The following DOCK3 variants were observed in gnomAD, a reference collection of about 807,000 sequenced individuals.
The protein encoded by DOCK3 is dedicator of cytokinesis 3.
Under a neutral mutation model 265.6 loss-of-function variants are expected in DOCK3, and 60 were observed. That is an observed-to-expected ratio of 0.23 (90% CI 0.18 to 0.28). The LOEUF is 0.28. DOCK3 is among the 10% of genes least tolerant of loss of function. The pLI is 1.00. For missense variants in DOCK3, 1,981 were observed against 2,594.3 expected, an observed-to-expected ratio of 0.76 and a Z score of 5.14; for synonymous variants, 881 against 938.0, an observed-to-expected ratio of 0.94 and a Z score of 1.11.
At chr3:51,298,532 C>A (rs1325496462) in intron 27 of DOCK3, among the ~76,000 whole-genome samples, 1 of 152,174 alleles carries the variant, frequency 6.6e-6, no homozygotes, top group East Asian at 1.9e-4. Context: ...GCCCAGCACG[C>A]ATTAGCTATT....
intron 12 of DOCK3, among the ~76,000 whole-genome samples, chr3:51,204,915 A>G (rs2089078658): frequency 6.6e-6 from 1 of 152,022 alleles, no homozygotes; most frequent in East Asian, 1.9e-4. Flanking sequence ...CTATCGCAAG[A>G]ACAAAAAACC....
intron 5 of DOCK3, among the ~76,000 whole-genome samples, chr3:50,957,260 C>G (rs1340700403): frequency 2.6e-5 from 4 of 152,112 alleles, no homozygotes; most frequent in Middle Eastern, 3.2e-3. Flanking sequence ...CAATAGTTTT[C>G]TGCCAACAAA....
chr3:50,775,103 C>T (rs896238385), intron 1 of DOCK3, among the ~76,000 whole-genome samples: 3 of 151,808 alleles, frequency 2.0e-5, no homozygotes, highest in Non-Finnish European at 2.9e-5. Context: ...GAAAGATTAG[C>T]CGTAATTTTC....
intron 3 of DOCK3, among the ~76,000 whole-genome samples, chr3:50,862,448 A>G (rs1352391689): frequency 6.6e-6 from 1 of 152,140 alleles, no homozygotes; most frequent in African/African-American, 2.4e-5. Context: ...AGGTAGGCTG[A>G]TGGTAAGTGG....
chr3:51,059,100 T>G (rs2109211582), intron 5 of DOCK3, among the ~76,000 whole-genome samples: 3 of 152,172 alleles, frequency 2.0e-5, no homozygotes, highest in Middle Eastern at 6.8e-3. Flanking sequence ...CCTCTAATAG[T>G]CCCCAGTGTC....
chr3:50,893,972 G>A (rs893614776), intron 4 of DOCK3, among the ~76,000 whole-genome samples: 2 of 113,066 alleles, frequency 1.8e-5, no homozygotes, highest in Non-Finnish European at 3.4e-5. Flanking sequence ...GGGGCCTGTC[G>A]TTAGGTGAGG....
chr3:50,693,530 CTTTTTTT>C (rs35261130), intron 1 of DOCK3, among the ~76,000 whole-genome samples: 1 of 64,278 alleles, frequency 1.6e-5, no homozygotes, highest in African/African-American at 6.1e-5. Context: ...ATTTCCTTTC[CTTTTTTT>C]TTTTTTTTTT....
At chr3:50,733,128 A>G (rs1031459599) in intron 1 of DOCK3, among the ~76,000 whole-genome samples, 1 of 152,184 alleles carries the variant, frequency 6.6e-6, no homozygotes, top group African/African-American at 2.4e-5. Context: ...AAAAATGTAT[A>G]TGGGCCTAGA....
At chr3:51,030,760 C>T (rs1333760293) in intron 5 of DOCK3, among the ~76,000 whole-genome samples, 5 of 152,176 alleles carry the variant, frequency 3.3e-5, no homozygotes, top group African/African-American at 1.2e-4. Flanking sequence ...AAATCTTAGC[C>T]CCTCAAGTTT....
At chr3:51,218,018 T>C (rs907464762) in intron 14 of DOCK3, among the ~76,000 whole-genome samples, 14 of 152,028 alleles carry the variant, frequency 9.2e-5, no homozygotes, top group African/African-American at 3.4e-4. Context: ...CTCAGGAGTC[T>C]GAGGCAGGAG....
intron 21 of DOCK3, among the ~76,000 whole-genome samples, chr3:51,245,673 G>A (rs531894581): frequency 6.6e-6 from 1 of 152,002 alleles, no homozygotes; most frequent in African/African-American, 2.4e-5. Flanking sequence ...TTACAGGCGT[G>A]AGCCACCATG....
chr3:50,819,178 C>G (rs944248904), intron 2 of DOCK3, among the ~76,000 whole-genome samples: 6 of 152,114 alleles, frequency 3.9e-5, no homozygotes, highest in Admixed American at 2.0e-4. Context: ...ACTTTGGCAC[C>G]TGCATGTACT....
chr3:50,711,688 C>T (rs1559540482), intron 1 of DOCK3, among the ~76,000 whole-genome samples: 1 of 152,012 alleles, frequency 6.6e-6, no homozygotes, highest in Non-Finnish European at 1.5e-5. Flanking sequence ...AATACTGGCC[C>T]CATATAATTA....
intron 1 of DOCK3, among the ~76,000 whole-genome samples, chr3:50,766,572 G>A (rs546513691): frequency 6.6e-5 from 10 of 152,054 alleles, no homozygotes; most frequent in East Asian, 1.9e-4. Flanking sequence ...GAATAGTGCC[G>A]CAATAAACAT....
chr3:50,708,417 C>T (rs183930335), intron 1 of DOCK3, among the ~76,000 whole-genome samples: 1 of 152,272 alleles, frequency 6.6e-6, no homozygotes, highest in Admixed American at 6.5e-5. Flanking sequence ...GGTTGCACTG[C>T]TGGGTCCAGC....
chr3:51,314,722 G>A (rs758792543), intron 31 of DOCK3, among the ~76,000 whole-genome samples: 1 of 152,216 alleles, frequency 6.6e-6, no homozygotes, highest in Non-Finnish European at 1.5e-5. Context: ...AGATTTTCAG[G>A]TAGTTTGTGG....
chr3:50,719,426 T>C (rs1169260644), intron 1 of DOCK3: 4 of 621,540 alleles, frequency 6.4e-6, no homozygotes, highest in African/African-American at 3.6e-5. Flanking sequence ...AGGGGTGCTC[T>C]CCTGAGCTAC....
rs754271357 is a variant in DOCK3 at position 51,231,121 on chromosome 3, C to CTTTTTTTT, written c.1917+1530_1917+1537dup. ...TTCGCCAGCATCTGTTATTTTTTGA[C>CTTTTTTTT]TTTTTTTTTTTTTTTTTTTTTTTTT... On this transcript the variant is annotated intron_variant, in intron 19 of 52. Transcript: ENST00000266037. 2.3e-4 allele frequency among the ~76,000 whole-genome samples: 18 copies of CTTTTTTTT among 77,748 alleles called. 1 individual carries two copies. The highest frequency in any genetic ancestry group is 1.0e-3 in the Admixed American group (5 of 4,870). 51.0% of individuals were successfully genotyped at this position (77,748 alleles called of 152,430 possible).
rs146645150 is a variant in DOCK3, at chr3:51,289,637, T to G, written c.2922+9433T>G. On this transcript the variant is annotated intron_variant, in intron 27 of 52. Transcript: ENST00000266037. ...ACGTGGAGTTCCTGAATGGATTTTT[T>G]TTTTTTAAGACCCAACTATATGCTG... 4.0e-3 allele frequency among the ~76,000 whole-genome samples: 604 copies of G among 152,244 alleles called. 6 individuals are homozygous for G. The highest frequency in any genetic ancestry group is 0.014 in the African/African-American group (571 of 41,558).
Sources: allele counts gnomAD v4.1 joint callset (sites outside exome capture counted in the v4.1 genomes callset), GRCh38; gene constraint gnomAD v4.1.1; transcripts MANE v1.5; gene names NCBI Gene and HGNC (gene_info 2026-07-23, HGNC 2026-07-21).